Variants in NKAIN3 observed in about 807,000 individuals in gnomAD.
NKAIN3 encodes the protein sodium/potassium transporting ATPase interacting 3.
NKAIN3 carries 25 observed loss-of-function variants against 30.2 expected under a neutral mutation model. The observed-to-expected ratio is 0.83, with a 90% CI of 0.60 to 1.16. The LOEUF is 1.16. NKAIN3 is among the 50% of genes most tolerant of loss of function. The pLI is 0.00. For missense variants in NKAIN3, 225 were observed against 254.1 expected, an observed-to-expected ratio of 0.89 and a Z score of 0.78; for synonymous variants, 91 against 89.6, an observed-to-expected ratio of 1.02 and a Z score of -0.09.
At chr8:62,911,112 G>A (rs17183435) in intron 4 of NKAIN3, among the ~76,000 whole-genome samples, 12,146 of 152,000 alleles carry the variant, frequency 0.08, 539 homozygotes, top group South Asian at 0.15. Flanking sequence ...ATAATAATTC[G>A]CTTTAAGTCA....
At chr8:62,251,776 A>G (rs956616622) in intron 1 of NKAIN3, among the ~76,000 whole-genome samples, 1 of 152,198 alleles carries the variant, frequency 6.6e-6, no homozygotes, top group African/African-American at 2.4e-5. Context: ...GGGGTTTGCC[A>G]AATTCTTTGG....
chr8:62,876,985 C>CAA (rs58048972), intron 4 of NKAIN3, among the ~76,000 whole-genome samples: 1 of 133,358 alleles, frequency 7.5e-6, no homozygotes, highest in Non-Finnish European at 1.6e-5. Context: ...TTTTAACTCT[C>CAA]AAAAAAAAAA....
intron 1 of NKAIN3, among the ~76,000 whole-genome samples, chr8:62,565,052 A>C (rs1463085653): frequency 2.0e-5 from 3 of 152,180 alleles, no homozygotes; most frequent in Non-Finnish European, 4.4e-5. Flanking sequence ...GATTCAATGA[A>C]TAAATATAAA....
Position 62,966,445 on chromosome 8 carries a change from CT to C in NKAIN3, c.*1040del. Reference sequence around the variant, plus strand: ...TTGTATTTTTTTAACTGGCATAAAACTTACATATGGTAAAATGCACAAATAT... The same window carrying C: ...TTGTATTTTTTTAACTGGCATAAAACTACATATGGTAAAATGCACAAATAT... On this transcript the variant is annotated 3_prime_UTR_variant, in exon 7 of 7. Coordinates refer to ENST00000623646, the MANE Select transcript of NKAIN3 (RefSeq NM_001304533.3). 1 of 930,066 alleles carries C rather than the reference CT, an allele frequency of 1.1e-6. No individual in the cohort carries two copies. The highest frequency in any genetic ancestry group is 5.0e-5 in the South Asian group (1 of 20,178). The allele number at this position is 930,066 out of a possible 1,614,324, so 57.6% of individuals were successfully genotyped here.
chr8:62,465,216 T>C (rs1806125451), intron 1 of NKAIN3, among the ~76,000 whole-genome samples: 1 of 152,186 alleles, frequency 6.6e-6, no homozygotes, highest in Admixed American at 6.5e-5. Context: ...GCAAGTAACA[T>C]AACATCATCA....
intron 4 of NKAIN3, among the ~76,000 whole-genome samples, chr8:62,822,133 CAA>C (rs1818866428): frequency 6.6e-6 from 1 of 152,048 alleles, no homozygotes; most frequent in Admixed American, 6.6e-5. Flanking sequence ...TTTCTGTTAT[CAA>C]AATGGAGCAT....
chr8:62,635,401 G>GCTT (rs2130281434), intron 3 of NKAIN3, among the ~76,000 whole-genome samples: 1 of 152,280 alleles, frequency 6.6e-6, no homozygotes, highest in East Asian at 1.9e-4. Context: ...CAAATCCTGT[G>GCTT]CTTCTTAAAG....
At chr8:62,836,695 G>A (rs1195385977) in intron 4 of NKAIN3, among the ~76,000 whole-genome samples, 1 of 152,102 alleles carries the variant, frequency 6.6e-6, no homozygotes, top group Admixed American at 6.6e-5. Context: ...CTGGAGCTGA[G>A]TGGAGGGCTT....
chr8:62,783,007 G>C (rs1817400997), intron 4 of NKAIN3, among the ~76,000 whole-genome samples: 1 of 151,832 alleles, frequency 6.6e-6, no homozygotes, highest in Non-Finnish European at 1.5e-5. Context: ...ATGCTGACTT[G>C]ATCATTAAAC....
chr8:62,468,046 G>A (rs1246986055), intron 1 of NKAIN3, among the ~76,000 whole-genome samples: 1 of 152,088 alleles, frequency 6.6e-6, no homozygotes, highest in Non-Finnish European at 1.5e-5. Flanking sequence ...TTTTAATTGA[G>A]TTTAACCAGC....
At chr8:62,449,360 T>C (rs1055792173) in intron 1 of NKAIN3, among the ~76,000 whole-genome samples, 1 of 152,062 alleles carries the variant, frequency 6.6e-6, no homozygotes, top group African/African-American at 2.4e-5. Flanking sequence ...TATTCCATTC[T>C]ATATCTATAT....
At chr8:62,583,297 G>A (rs968082061) in intron 2 of NKAIN3, among the ~76,000 whole-genome samples, 1 of 152,062 alleles carries the variant, frequency 6.6e-6, no homozygotes, top group Non-Finnish European at 1.5e-5. Flanking sequence ...TATGCGTAGA[G>A]GAAGGCAGTT....
intron 1 of NKAIN3, among the ~76,000 whole-genome samples, chr8:62,387,902 C>T (rs1585750234): frequency 6.6e-6 from 1 of 152,116 alleles, no homozygotes; most frequent in South Asian, 2.1e-4. Context: ...CTTATGGCTT[C>T]TTGTTATCTT....
chr8:62,274,729 A>G lies in NKAIN3; in HGVS notation c.54+25602A>G, dbSNP rs1371608146. Among the ~76,000 whole-genome samples, 4 of 151,818 alleles carry G rather than the reference A, an allele frequency of 2.6e-5. 1 individual carries two copies. The highest frequency in any genetic ancestry group is 9.7e-5 in the African/African-American group (4 of 41,288). On this transcript the variant is annotated intron_variant, in intron 1 of 6. Coordinates refer to ENST00000623646, the MANE Select transcript of NKAIN3 (RefSeq NM_001304533.3). The stretch of plus-strand genomic sequence containing the variant: ...CATTTAGCATTAGGTTTATCTCCTA[A>G]TGCTATCCCTCCCCCGACCCCCCAC...
chr8:62,567,750 G>A lies in NKAIN3; in HGVS notation c.55-11789G>A, dbSNP rs182218047. On this transcript the variant is annotated intron_variant, in intron 1 of 6. Coordinates refer to ENST00000623646, the MANE Select transcript of NKAIN3 (RefSeq NM_001304533.3). The stretch of plus-strand genomic sequence containing the variant: ...CTCCCCTATGGCCTCCAGAAGGAAT[G>A]CAGCCCTTCTGATTCCTTGATTTTA... 3.9e-5 allele frequency among the ~76,000 whole-genome samples: 6 copies of A among 152,140 alleles called. No homozygotes were observed. In the East Asian group the frequency reaches 7.7e-4, roughly 20 times the overall value.
Position 62,859,508 on chromosome 8 carries a change from T to TAAAAAATAAAAAAAA in NKAIN3, c.472-58939_472-58938insTAAAAAAAAAAAAAA, listed in dbSNP as rs1554585189. ...ACTTTTTCTATACTCTTACTTCAAC[T>TAAAAAATAAAAAAAA]AAAAAAAAAAAAACTTCATGGAAGT... On this transcript the variant is annotated intron_variant, in intron 4 of 6. Transcript: ENST00000623646. 1.8e-4 allele frequency among the ~76,000 whole-genome samples: 11 copies of TAAAAAATAAAAAAAA among 60,438 alleles called. 1 individual carries two copies. The East Asian group carries it at 4.7e-3, about 26-fold the overall frequency. The allele number at this position is 60,438 out of a possible 152,430, so 39.6% of individuals were successfully genotyped here.
At chr8:62,326,445 T>G (rs1815134631) in intron 1 of NKAIN3, among the ~76,000 whole-genome samples, 1 of 151,970 alleles carries the variant, frequency 6.6e-6, no homozygotes. Context: ...TGTTTATGAT[T>G]TAAGGTCTTA....
Position 62,728,304 on chromosome 8 carries a change from TATA to T in NKAIN3, c.274-18620_274-18618del, listed in dbSNP as rs1325040366. On this transcript the variant is annotated intron_variant, in intron 3 of 6. Transcript: ENST00000623646. ...ACATAAAAGAATGAATTGATTAAAG[TATA>T]ATAATAAAAAATAATAATCATAAAA... Among the ~76,000 whole-genome samples, 3 of 152,048 alleles carry T rather than the reference TATA, an allele frequency of 2.0e-5. No individual in the cohort carries two copies. In the South Asian group the frequency reaches 6.2e-4, roughly 31 times the overall value.
chr8:62,810,430 A>G (rs1818450815), intron 4 of NKAIN3, among the ~76,000 whole-genome samples: 5 of 152,152 alleles, frequency 3.3e-5, no homozygotes, highest in Middle Eastern at 3.4e-3. Context: ...TTCAGCCTGG[A>G]CCCTTGATCT....
Sources: allele counts gnomAD v4.1 joint callset (sites outside exome capture counted in the v4.1 genomes callset), GRCh38; gene constraint gnomAD v4.1.1; transcripts MANE v1.5; gene names NCBI Gene and HGNC (gene_info 2026-07-23, HGNC 2026-07-21).